CMIP: variants seen among roughly 807,000 people sequenced by gnomAD.
CMIP encodes the protein c-Maf inducing protein.
A neutral mutation model predicts 97.3 loss-of-function variants in CMIP; 13 were observed. The ratio of observed to expected loss-of-function variants is 0.13; its 90% CI spans 0.09 to 0.21. The LOEUF (loss-of-function observed/expected upper bound fraction) is 0.21, where lower values mean the gene tolerates loss of function less well. Among genes scored for constraint, CMIP ranks in the 10% least tolerant of loss-of-function variants. The pLI is 1.00. For missense variants in CMIP, 847 were observed against 1,024.9 expected (o/e 0.83, Z 2.37); for synonymous variants, 538 against 436.3 (o/e 1.23, Z -2.91).
chr16:81,598,833 G>T (rs892419913), intron 1 of CMIP, among the ~76,000 whole-genome samples: 1 of 152,100 alleles, frequency 6.6e-6, no homozygotes, highest in Non-Finnish European at 1.5e-5. Context: ...TCTGGGCGTG[G>T]TGTTGTGTGC....
Position 81,475,490 on chromosome 16 carries a change from A to ATT in CMIP, c.300+29958_300+29959dup, listed in dbSNP as rs55674732. Among the ~76,000 whole-genome samples, 8 of 150,716 alleles carry ATT rather than the reference A, an allele frequency of 5.3e-5. 1 individual carries two copies. Among genetic ancestry groups the ATT allele is most frequent in the South Asian group, 4.2e-4 (2 of 4,768 alleles). ...TAGAACACTCCATAATGTTTCCTAGATTTTTTTTTTGTTATTATATAGCTT... is the reference window on the plus strand; with the variant it reads ...TAGAACACTCCATAATGTTTCCTAGATTTTTTTTTTTTGTTATTATATAGCTT... On this transcript the variant is annotated intron_variant, in intron 1 of 20. Transcript: ENST00000537098.
intron 7 of CMIP, among the ~76,000 whole-genome samples, chr16:81,669,214 C>T (rs1454336093): frequency 7.4e-6 from 1 of 134,260 alleles, no homozygotes; most frequent in Non-Finnish European, 1.6e-5. Flanking sequence ...CTCTCACACT[C>T]ACCTTCCACA....
chr16:81,578,996 A>G (rs1278543468), intron 1 of CMIP, among the ~76,000 whole-genome samples: 3 of 152,228 alleles, frequency 2.0e-5, no homozygotes, highest in African/African-American at 7.2e-5. Context: ...TTCCAGATCT[A>G]GCTCAGCTTC....
chr16:81,673,550 A>C (rs1419072728), intron 9 of CMIP, among the ~76,000 whole-genome samples: 1 of 152,178 alleles, frequency 6.6e-6, no homozygotes, highest in African/African-American at 2.4e-5. Flanking sequence ...GAAAGCAAGC[A>C]AGCAGGTGAC....
In CMIP at chr16:81,464,085, A is replaced by C. The variant is rs141767943; in HGVS notation, c.300+18544A>C. ...CAGGGAAGAAGCTAGGGCTCCATCC[A>C]CCTCACCTTTGTGATCTTCTGAGGG... On this transcript the variant is annotated intron_variant, in intron 1 of 20. Transcript: ENST00000537098. 170 of 152,296 alleles carry C rather than the reference A, an allele frequency of 1.1e-3. 1 individual carries two copies. Among genetic ancestry groups the C allele is most frequent in the African/African-American group, 4.0e-3 (165 of 41,540 alleles). The allele number at this position is 152,296 out of a possible 1,614,324, so 9.4% of individuals were successfully genotyped here. A position where few individuals can be genotyped will look rare whatever the true frequency, so the allele number is the denominator to read the frequency against.
intron 1 of CMIP, among the ~76,000 whole-genome samples, chr16:81,463,564 G>C (rs757873669): frequency 1.4e-4 from 21 of 152,304 alleles, no homozygotes; most frequent in Admixed American, 1.0e-3. Context: ...TTTGTAGGAC[G>C]ATTCAAGCCG....
intron 1 of CMIP, among the ~76,000 whole-genome samples, chr16:81,595,120 G>A (rs1433525352): frequency 6.6e-6 from 1 of 151,804 alleles, no homozygotes; most frequent in African/African-American, 2.4e-5. Context: ...ACCTCTGAAA[G>A]TGAAATCTCA....
At chr16:81,697,012 A>C in intron 14 of CMIP, 1 of 301,014 alleles carries the variant, frequency 3.3e-6, no homozygotes, top group Non-Finnish European at 6.3e-6. Flanking sequence ...TGCCATGGTT[A>C]TGTTCCTACA....
intron 1 of CMIP, among the ~76,000 whole-genome samples, chr16:81,590,173 C>T (rs1272087642): frequency 1.3e-5 from 2 of 152,210 alleles, no homozygotes; most frequent in African/African-American, 2.4e-5. Flanking sequence ...GGAATGACCA[C>T]GCCCCTCTGA....
chr16:81,588,193 G>C (rs2091413095), intron 1 of CMIP, among the ~76,000 whole-genome samples: 1 of 152,174 alleles, frequency 6.6e-6, no homozygotes, highest in South Asian at 2.1e-4. Context: ...GCTTTGTTTG[G>C]CCGTCTCGGA....
intron 1 of CMIP, among the ~76,000 whole-genome samples, chr16:81,529,163 G>T (rs1364592086): frequency 6.6e-6 from 1 of 152,250 alleles, no homozygotes; most frequent in African/African-American, 2.4e-5. Flanking sequence ...AAGGGGGGAA[G>T]AAGAGAGAGG....
intron 1 of CMIP, chr16:81,476,047 A>C: frequency 1.4e-6 from 1 of 722,136 alleles, no homozygotes; most frequent in Middle Eastern, 3.7e-4. Context: ...CACAGTTAGC[A>C]ATAGTGATCT....
intron 1 of CMIP, among the ~76,000 whole-genome samples, chr16:81,589,137 A>C (rs1228566498): frequency 6.6e-6 from 1 of 151,048 alleles, no homozygotes; most frequent in Non-Finnish European, 1.5e-5. Flanking sequence ...CCTGTGGTCC[A>C]GGCTGCTGCA....
intron 1 of CMIP, among the ~76,000 whole-genome samples, chr16:81,527,041 G>A (rs1194341371): frequency 6.6e-6 from 1 of 152,228 alleles, no homozygotes; most frequent in Non-Finnish European, 1.5e-5. Flanking sequence ...TGCAAACAGG[G>A]TGATGGTGCA....
At chr16:81,677,972 A>C (rs966100593) in intron 9 of CMIP, among the ~76,000 whole-genome samples, 4 of 152,222 alleles carry the variant, frequency 2.6e-5, no homozygotes, top group Non-Finnish European at 1.5e-5. Context: ...TCACGTGAAG[A>C]TCAGCATCCA....
chr16:81,672,543 A>G (rs751752769), intron 9 of CMIP, among the ~76,000 whole-genome samples: 2 of 152,104 alleles, frequency 1.3e-5, no homozygotes, highest in Non-Finnish European at 2.9e-5. Context: ...GGCTTTGAGA[A>G]CACAGGCTTT....
intron 1 of CMIP, among the ~76,000 whole-genome samples, chr16:81,455,011 C>A (rs752786618): frequency 1.3e-5 from 2 of 152,176 alleles, no homozygotes; most frequent in African/African-American, 4.8e-5. Context: ...CACCGTAAGA[C>A]GGCATAGGAA....
rs2091926344 is a variant in CMIP, at chr16:81,616,919, CA to C, written c.427-3956del. On this transcript the variant is annotated intron_variant, in intron 2 of 20. Transcript: ENST00000537098. The surrounding 1 kb of genome is among the most constrained non-coding windows in gnomAD (Gnocchi z 4.7). ...GCTCCTGCAGCTCAGCAGGAAGTCACAGGGGGCGTGGCCAGGCCAGGCAGCT... is the reference window on the plus strand; with the variant it reads ...GCTCCTGCAGCTCAGCAGGAAGTCACGGGGGCGTGGCCAGGCCAGGCAGCT... 2 of 152,718 alleles carry C rather than the reference CA, an allele frequency of 1.3e-5. No individual in the cohort carries two copies. The highest frequency in any genetic ancestry group is 1.9e-4 in the East Asian group (1 of 5,200). 9.5% of individuals were successfully genotyped at this position (152,718 alleles called of 1,614,324 possible).
intron 1 of CMIP, among the ~76,000 whole-genome samples, chr16:81,469,015 C>T (rs917346512): frequency 1.3e-5 from 2 of 152,204 alleles, no homozygotes; most frequent in Non-Finnish European, 2.9e-5. Flanking sequence ...TTTCCTACTC[C>T]GCTTTGAGAG....
Sources: gnomAD v4.1 joint callset for allele counts (sites outside exome capture counted in the v4.1 genomes callset) on GRCh38, gnomAD v4.1.1 for gene constraint, Gnocchi (gnomAD v3.1) non-coding constraint, MANE v1.5 for transcripts, NCBI Gene and HGNC (gene_info 2026-07-23, HGNC 2026-07-21) for gene names.